The following PRKCA variants were observed in gnomAD, a reference collection of about 807,000 sequenced individuals.
PRKCA encodes the protein protein kinase C alpha type.
In PRKCA, 27 loss-of-function variants were observed where a neutral mutation model predicts 87.0. That is an observed-to-expected ratio of 0.31 (90% confidence interval 0.23 to 0.43). PRKCA has a LOEUF of 0.43. Ranked by LOEUF, PRKCA falls within the 20% of genes least tolerant of loss-of-function variation. The pLI, the probability that PRKCA is intolerant of heterozygous loss-of-function variation, is 1.00. For synonymous variants in PRKCA, 329 were observed against 311.1 expected (o/e 1.06, Z -0.61); for missense variants, 518 against 852.3 (o/e 0.61, Z 4.88).
intron 13 of PRKCA, among the ~76,000 whole-genome samples, chr17:66,757,459 A>G (rs1017793428): frequency 1.3e-5 from 2 of 151,936 alleles, no homozygotes; most frequent in African/African-American, 4.8e-5. Context: ...GGCATATCAT[A>G]TTCAAACTGC....
intron 3 of PRKCA, among the ~76,000 whole-genome samples, chr17:66,633,582 T>G (rs1341713771): frequency 1.3e-5 from 2 of 152,158 alleles, no homozygotes; most frequent in East Asian, 3.9e-4. Context: ...AGAGCTTCTG[T>G]TGGTTAAAAA....
intron 2 of PRKCA, among the ~76,000 whole-genome samples, chr17:66,468,634 A>G (rs948606593): frequency 1.3e-5 from 2 of 152,242 alleles, no homozygotes; most frequent in African/African-American, 2.4e-5. Flanking sequence ...TGAGGTCTCT[A>G]AATGGAAGGT....
In PRKCA at chr17:66,760,200, T is replaced by C. The variant is rs202090607; in HGVS notation, c.1525-13787T>C. ...AACAAACTGAAAATAATAGAAACCA[T>C]GCAGTGTCTTCTCTCAGACCACAAT... On this transcript the variant is annotated intron_variant, in intron 13 of 16. Coordinates refer to ENST00000413366, the MANE Select transcript of PRKCA (RefSeq NM_002737.3). 8.5e-5 allele frequency among the ~76,000 whole-genome samples: 13 copies of C among 152,276 alleles called. No homozygotes were observed. In the East Asian group the frequency reaches 1.7e-3, roughly 20 times the overall value.
intron 5 of PRKCA, among the ~76,000 whole-genome samples, chr17:66,656,038 A>G (rs1393769121): frequency 1.3e-5 from 2 of 152,142 alleles, no homozygotes; most frequent in South Asian, 2.1e-4. Flanking sequence ...ATTGTTATTC[A>G]TGCTTGGTTC....
At chr17:66,413,478 C>G (rs1856033120) in intron 2 of PRKCA, among the ~76,000 whole-genome samples, 2 of 152,124 alleles carry the variant, frequency 1.3e-5, no homozygotes, top group Non-Finnish European at 2.9e-5. Context: ...TCTCTCCCTT[C>G]CCCAGAGGTC....
intron 2 of PRKCA, among the ~76,000 whole-genome samples, chr17:66,351,839 A>T (rs1371941096): frequency 6.6e-6 from 1 of 152,090 alleles, no homozygotes; most frequent in Non-Finnish European, 1.5e-5. Context: ...CTAGGGCAAT[A>T]CCAGGAGCCA....
intron 3 of PRKCA, among the ~76,000 whole-genome samples, chr17:66,504,407 A>G (rs1916879309): frequency 6.6e-6 from 1 of 152,108 alleles, no homozygotes; most frequent in African/African-American, 2.4e-5. Context: ...AGGCTGACCA[A>G]CATGGTGAAA....
At chr17:66,334,139 A>G (rs1362217613) in intron 2 of PRKCA, among the ~76,000 whole-genome samples, 2 of 152,112 alleles carry the variant, frequency 1.3e-5, no homozygotes, top group Non-Finnish European at 2.9e-5. Context: ...AGTCCCAGCT[A>G]CTTGGGAGGC....
At chr17:66,682,343 AT>A (rs1409513578) in intron 5 of PRKCA, among the ~76,000 whole-genome samples, 1 of 152,256 alleles carries the variant, frequency 6.6e-6, no homozygotes, top group Non-Finnish European at 1.5e-5. Context: ...TGAGAATATA[AT>A]TAGTATTCTG....
chr17:66,532,755 C>G (rs1967611283), intron 3 of PRKCA, among the ~76,000 whole-genome samples: 1 of 152,162 alleles, frequency 6.6e-6, no homozygotes, highest in Non-Finnish European at 1.5e-5. Context: ...CACTCACATC[C>G]CCTCTGATGA....
intron 5 of PRKCA, among the ~76,000 whole-genome samples, chr17:66,678,153 A>G (rs1235433052): frequency 6.6e-6 from 1 of 152,208 alleles, no homozygotes; most frequent in African/African-American, 2.4e-5. Context: ...TCACATGTGT[A>G]TTCTTAGAGA....
chr17:66,447,832 T>C (rs1914112505), intron 2 of PRKCA, among the ~76,000 whole-genome samples: 1 of 152,226 alleles, frequency 6.6e-6, no homozygotes, highest in African/African-American at 2.4e-5. Context: ...TCTGAGATGC[T>C]CTTTCTCTTT....
At chr17:66,590,832 G>A (rs1008026318) in intron 3 of PRKCA, among the ~76,000 whole-genome samples, 27 of 151,918 alleles carry the variant, frequency 1.8e-4, no homozygotes, top group East Asian at 1.9e-4. Context: ...CCTGGGCAAC[G>A]GAGCAAGACT....
At chr17:66,538,639 A>G (rs1967872546) in intron 3 of PRKCA, among the ~76,000 whole-genome samples, 1 of 152,196 alleles carries the variant, frequency 6.6e-6, no homozygotes, top group Admixed American at 6.5e-5. Flanking sequence ...GTAGACCTGA[A>G]GCATCTGGTG....
chr17:66,442,326 G>A (rs1913813179), intron 2 of PRKCA, among the ~76,000 whole-genome samples: 1 of 151,802 alleles, frequency 6.6e-6, no homozygotes, highest in Non-Finnish European at 1.5e-5. Context: ...CAAAGTGCTG[G>A]GATTACAGGC....
chr17:66,739,461 G>A (rs1397997280), intron 11 of PRKCA, among the ~76,000 whole-genome samples: 2 of 152,164 alleles, frequency 1.3e-5, no homozygotes, highest in African/African-American at 2.4e-5. Flanking sequence ...ACCAGGCACT[G>A]GGGTTGCGAA....
intron 13 of PRKCA, among the ~76,000 whole-genome samples, chr17:66,759,130 G>A (rs896616040): frequency 1.5e-4 from 23 of 152,024 alleles, no homozygotes; most frequent in Non-Finnish European, 2.9e-4. Context: ...CGAGGCGGGC[G>A]GATTACAAGG....
In PRKCA at chr17:66,732,772, A is replaced by G; in HGVS notation, c.1003A>G (p.Lys335Glu). ...ACCTTCCAACAACCTTGACCGAGTG[A>G]AACTCACGGACTTCAATTTCCTCAT... ...KQPSNNLDRV[K>E]LTDFNFLMVL... The change falls in exon 9 of 17, where the codon AAA (lysine) becomes GAA (glutamate). Residue 335 changes from lysine to glutamate, a missense_variant. Transcript: ENST00000413366. The G allele has an allele frequency of 1.2e-6, 2 of 1,614,210 alleles. No homozygotes were observed. The highest frequency in any genetic ancestry group is 2.2e-5 in the South Asian group (2 of 91,074).
At chr17:66,725,344 T>C (rs1367955373) in intron 8 of PRKCA, among the ~76,000 whole-genome samples, 1 of 152,218 alleles carries the variant, frequency 6.6e-6, no homozygotes, top group African/African-American at 2.4e-5. Flanking sequence ...CTCTGTCAGT[T>C]CTGTCAGTCT....
Sources: gnomAD v4.1 joint callset for allele counts (sites outside exome capture counted in the v4.1 genomes callset) on GRCh38, gnomAD v4.1.1 for gene constraint, MANE v1.5 for transcripts, NCBI Gene and HGNC (gene_info 2026-07-23, HGNC 2026-07-21) for gene names.